The following PACSIN2 variants were observed in gnomAD, a reference collection of about 807,000 sequenced individuals.
PACSIN2 encodes the protein protein kinase C and casein kinase substrate in neurons 2, also known as protein kinase C and casein kinase substrate in neurons protein 2.
In PACSIN2, 25 loss-of-function variants were observed where a neutral mutation model predicts 63.8. The ratio of observed to expected loss-of-function variants is 0.39; its 90% CI spans 0.29 to 0.55. The LOEUF (loss-of-function observed/expected upper bound fraction) is 0.55, where lower values mean the gene tolerates loss of function less well. Among genes scored for constraint, PACSIN2 ranks in the 20% least tolerant of loss-of-function variants. The probability of loss-of-function intolerance (pLI) is 0.62; values close to 1 mark genes in which losing one functional copy is unlikely to be tolerated. For missense variants in PACSIN2, 518 were observed against 646.9 expected (o/e 0.80, Z 2.16); for synonymous variants, 255 against 256.2 (o/e 1.00, Z 0.05).
At chr22:42,965,465 G>A (rs753365468) in intron 1 of PACSIN2, among the ~76,000 whole-genome samples, 1 of 152,204 alleles carries the variant, frequency 6.6e-6, no homozygotes, top group East Asian at 1.9e-4. Flanking sequence ...TGAGAAAACA[G>A]GAGAAAAGGA....
intron 1 of PACSIN2, among the ~76,000 whole-genome samples, chr22:42,972,066 G>GC (rs998791507): frequency 1.3e-5 from 2 of 152,216 alleles, no homozygotes; most frequent in African/African-American, 4.8e-5. Context: ...GTCCAATGGG[G>GC]GGGGGAAATG....
At chr22:42,922,217 C>T (rs1023138233) in intron 1 of PACSIN2, among the ~76,000 whole-genome samples, 1 of 152,130 alleles carries the variant, frequency 6.6e-6, no homozygotes, top group African/African-American at 2.4e-5. Context: ...CTAAGGTGAC[C>T]GTGGCACAGG....
At chr22:42,894,627 T>C (rs1193205928) in intron 2 of PACSIN2, among the ~76,000 whole-genome samples, 2 of 152,222 alleles carry the variant, frequency 1.3e-5, no homozygotes, top group Admixed American at 6.5e-5. Flanking sequence ...ACTGCCTTTT[T>C]TCGTATATGA....
chr22:42,925,887 T>C (rs553480464), intron 1 of PACSIN2, among the ~76,000 whole-genome samples: 1 of 152,218 alleles, frequency 6.6e-6, no homozygotes, highest in South Asian at 2.1e-4. Flanking sequence ...GGGCCCTCTA[T>C]GTCACCAGCC....
intron 1 of PACSIN2, among the ~76,000 whole-genome samples, chr22:42,931,575 T>A (rs4820498): frequency 6.6e-6 from 1 of 151,942 alleles, no homozygotes; most frequent in Non-Finnish European, 1.5e-5. Flanking sequence ...AGCCGATGGC[T>A]GCCCTGAAAC....
chr22:42,905,453 G>C (rs1053670355), intron 2 of PACSIN2, among the ~76,000 whole-genome samples: 6 of 152,236 alleles, frequency 3.9e-5, no homozygotes. Context: ...GTGTCAACAG[G>C]CTCATTGGTG....
At chr22:43,004,462 C>T (rs1227295462) in intron 1 of PACSIN2, among the ~76,000 whole-genome samples, 1 of 152,142 alleles carries the variant, frequency 6.6e-6, no homozygotes, top group Non-Finnish European at 1.5e-5. Flanking sequence ...AAAGCATCAC[C>T]ACGTGCGAGC....
At chr22:42,872,045 G>A (rs1928188259) in intron 10 of PACSIN2, among the ~76,000 whole-genome samples, 1 of 152,216 alleles carries the variant, frequency 6.6e-6, no homozygotes, top group South Asian at 2.1e-4. Context: ...CCCTGAGAAG[G>A]AGCCCCTGGC....
At chr22:42,978,059 A>T (rs1019684861) in intron 1 of PACSIN2, among the ~76,000 whole-genome samples, 1 of 152,240 alleles carries the variant, frequency 6.6e-6, no homozygotes, top group Non-Finnish European at 1.5e-5. Context: ...ACCTGGAGAG[A>T]GATCCAGAGT....
intron 1 of PACSIN2, among the ~76,000 whole-genome samples, chr22:42,987,530 CT>C (rs1160565529): frequency 0.39 from 20,015 of 51,892 alleles, 5,757 homozygotes; most frequent in Middle Eastern, 0.7. Context: ...CACATTCATT[CT>C]TTTTTTTTTT....
intron 1 of PACSIN2, among the ~76,000 whole-genome samples, chr22:42,928,199 T>C (rs1296659504): frequency 6.6e-6 from 1 of 152,194 alleles, no homozygotes; most frequent in Non-Finnish European, 1.5e-5. Flanking sequence ...CGGAGAGGCA[T>C]AGGAGGAAAA....
At chr22:42,971,571 C>T (rs1921272763) in intron 1 of PACSIN2, among the ~76,000 whole-genome samples, 1 of 152,146 alleles carries the variant, frequency 6.6e-6, no homozygotes, top group African/African-American at 2.4e-5. Flanking sequence ...AGGAGCCCCT[C>T]TGCCCGGCCA....
intron 1 of PACSIN2, among the ~76,000 whole-genome samples, chr22:42,960,411 A>G (rs1352313811): frequency 6.6e-6 from 1 of 152,246 alleles, no homozygotes; most frequent in Non-Finnish European, 1.5e-5. Context: ...GACTGGGGAC[A>G]CAGAGTCCCC....
intron 1 of PACSIN2, among the ~76,000 whole-genome samples, chr22:42,986,044 C>CCAAACAAGT (rs1922588269): frequency 1.3e-5 from 2 of 152,202 alleles, no homozygotes; most frequent in African/African-American, 4.8e-5. Flanking sequence ...GCTTGACTTT[C>CCAAACAAGT]CAAACAACGA....
chr22:43,007,721 GAA>G (rs1924186121), intron 1 of PACSIN2, among the ~76,000 whole-genome samples: 1 of 152,214 alleles, frequency 6.6e-6, no homozygotes, highest in African/African-American at 2.4e-5. Context: ...CCGCCACAAT[GAA>G]AAGAGAAGTT....
intron 1 of PACSIN2, among the ~76,000 whole-genome samples, chr22:43,002,141 T>C (rs1923807688): frequency 6.6e-6 from 1 of 152,050 alleles, no homozygotes; most frequent in Admixed American, 6.5e-5. Context: ...TCTCTGGAGA[T>C]GAACAGAGCC....
At chr22:42,957,191 G>A (rs2146841863) in intron 1 of PACSIN2, among the ~76,000 whole-genome samples, 1 of 152,318 alleles carries the variant, frequency 6.6e-6, no homozygotes, top group East Asian at 1.9e-4. Context: ...CAGGAGGGAA[G>A]ACAGTTCTGA....
chr22:42,985,423 G>A lies in PACSIN2; in HGVS notation c.-78+29598C>T, dbSNP rs532471416. Among the ~76,000 whole-genome samples, 3 of 152,324 alleles carry A rather than the reference G, an allele frequency of 2.0e-5. No homozygotes were observed. In the East Asian group the frequency reaches 5.8e-4, roughly 29 times the overall value. On this transcript the variant is annotated intron_variant, in intron 1 of 10. Coordinates refer to ENST00000263246, the MANE Select transcript of PACSIN2 (RefSeq NM_001184970.3). ...GATGGGCTCCACGTTCTGCCCACAA[G>A]GGCAGCAGATGGGCACACTCCAAGG... is the stretch of plus-strand genomic sequence containing the variant.
chr22:42,996,631 G>A (rs1923422209), intron 1 of PACSIN2, among the ~76,000 whole-genome samples: 1 of 151,954 alleles, frequency 6.6e-6, no homozygotes, highest in South Asian at 2.1e-4. Flanking sequence ...GTTGGAGGCT[G>A]CAGTGGGCCA....
Sources: gnomAD v4.1 joint callset for allele counts (sites outside exome capture counted in the v4.1 genomes callset) on GRCh38, gnomAD v4.1.1 for gene constraint, MANE v1.5 for transcripts, NCBI Gene and HGNC (gene_info 2026-07-23, HGNC 2026-07-21) for gene names.